TP63: variants seen among roughly 807,000 people sequenced by gnomAD.
The protein encoded by TP63 is tumor protein p63.
A neutral mutation model predicts 82.8 loss-of-function variants in TP63; 17 were observed. That is an observed-to-expected ratio of 0.21 (90% confidence interval 0.14 to 0.31). The LOEUF is 0.31. Ranked by LOEUF, TP63 falls within the 10% of genes least tolerant of loss-of-function variation. The pLI, the probability that TP63 is intolerant of heterozygous loss-of-function variation, is 1.00. For missense variants in TP63, 648 were observed against 895.3 expected (o/e 0.72, Z 3.52); for synonymous variants, 330 against 321.7 (o/e 1.03, Z -0.28).
chr3:189,689,215 A>AAGCG (rs1281989829), intron 1 of TP63, among the ~76,000 whole-genome samples: 1 of 141,884 alleles, frequency 7.0e-6, no homozygotes. Flanking sequence ...TCCCAGGTTC[A>AAGCG]AGCGATTCTC....
chr3:189,780,393 ATACTT>A (rs2108574822), intron 3 of TP63, among the ~76,000 whole-genome samples: 1 of 152,344 alleles, frequency 6.6e-6, no homozygotes, highest in East Asian at 1.9e-4. Flanking sequence ...GAAATGTAGA[ATACTT>A]TAAAGCTAGA....
At chr3:189,824,948 G>A (rs924774899) in intron 4 of TP63, among the ~76,000 whole-genome samples, 5 of 152,106 alleles carry the variant, frequency 3.3e-5, no homozygotes, top group African/African-American at 1.2e-4. Flanking sequence ...CAGATGTTTG[G>A]TTCCTCTCCT....
intron 1 of TP63, among the ~76,000 whole-genome samples, chr3:189,727,763 C>A (rs1719872969): frequency 1.3e-5 from 2 of 152,100 alleles, no homozygotes; most frequent in Non-Finnish European, 2.9e-5. Context: ...GTATTCCAAA[C>A]CTGATGTCAT....
chr3:189,758,234 A>G (rs918703657), intron 3 of TP63, among the ~76,000 whole-genome samples: 3 of 152,200 alleles, frequency 2.0e-5, no homozygotes, highest in Admixed American at 6.5e-5. Context: ...ATGAGGATCT[A>G]ATGCCCCCGC....
At chr3:189,764,625 A>C (rs1215688642) in intron 3 of TP63, among the ~76,000 whole-genome samples, 1 of 152,162 alleles carries the variant, frequency 6.6e-6, no homozygotes, top group South Asian at 2.1e-4. Context: ...TTTGTCTACT[A>C]AAGTTATCCA....
chr3:189,753,943 T>G (rs1391965983), intron 3 of TP63, among the ~76,000 whole-genome samples: 3 of 152,146 alleles, frequency 2.0e-5, no homozygotes, highest in Non-Finnish European at 2.9e-5. Context: ...TAATATTGGC[T>G]TTATAACCCT....
chr3:189,787,792 A>G (rs987778141), intron 3 of TP63, among the ~76,000 whole-genome samples: 1 of 152,052 alleles, frequency 6.6e-6, no homozygotes, highest in South Asian at 2.1e-4. Flanking sequence ...CCTCTAGATC[A>G]TTGATTCCCA....
intron 1 of TP63, among the ~76,000 whole-genome samples, chr3:189,716,435 C>G (rs1718965807): frequency 6.6e-6 from 1 of 151,782 alleles, no homozygotes; most frequent in Non-Finnish European, 1.5e-5. Flanking sequence ...TTTTAAAAAG[C>G]CCTGGAAATG....
rs189526183 is a variant in TP63, at chr3:189,813,191, C to A, written c.579+4665C>A. On this transcript the variant is annotated intron_variant, in intron 4 of 13. Transcript: ENST00000264731. The stretch of plus-strand genomic sequence containing the variant: ...CTTTGTGTTAAGGAATAACAGTGGG[C>A]CTTACTTATGGCAGACTCAAGATAT... Among the ~76,000 whole-genome samples, 4 of 152,232 alleles carry A rather than the reference C, an allele frequency of 2.6e-5. No individual in the cohort carries two copies. In the East Asian group the frequency reaches 7.7e-4, roughly 29 times the overall value.
chr3:189,691,790 G>A (rs1276460883), intron 1 of TP63, among the ~76,000 whole-genome samples: 1 of 151,996 alleles, frequency 6.6e-6, no homozygotes, highest in Non-Finnish European at 1.5e-5. Context: ...TTTTTCTGTT[G>A]TTGTCCTTTG....
chr3:189,878,919 C>T (rs550540327), intron 10 of TP63, among the ~76,000 whole-genome samples: 11 of 142,108 alleles, frequency 7.7e-5, no homozygotes, highest in East Asian at 6.2e-4. Context: ...TGAGCCACCG[C>T]GCCCAGCCTA....
chr3:189,713,624 G>A (rs1344584706), intron 1 of TP63, among the ~76,000 whole-genome samples: 1 of 151,882 alleles, frequency 6.6e-6, no homozygotes, highest in East Asian at 1.9e-4. Flanking sequence ...AATAACAAAA[G>A]TAATTCAAAA....
At chr3:189,846,527 T>C (rs1236440603) in intron 4 of TP63, among the ~76,000 whole-genome samples, 2 of 152,090 alleles carry the variant, frequency 1.3e-5, no homozygotes, top group Admixed American at 6.6e-5. Context: ...AACTATTGAA[T>C]ATATGTACAG....
chr3:189,731,720 T>C (rs187605265), intron 1 of TP63, among the ~76,000 whole-genome samples: 1 of 152,180 alleles, frequency 6.6e-6, no homozygotes, highest in Admixed American at 6.5e-5. Context: ...AGACAGTTAA[T>C]CCAAGAAAAA....
Position 189,743,503 on chromosome 3 carries a change from A to AAC in TP63, c.324+4747_324+4748dup, listed in dbSNP as rs10524434. Among the ~76,000 whole-genome samples, 1,087 of 150,812 alleles carry AAC rather than the reference A, an allele frequency of 7.2e-3. 13 individuals are homozygous for AAC. The highest frequency in any genetic ancestry group is 0.025 in the African/African-American group (1,012 of 41,142). On this transcript the variant is annotated intron_variant, in intron 3 of 13. Coordinates refer to ENST00000264731, the MANE Select transcript of TP63 (RefSeq NM_003722.5). The stretch of plus-strand genomic sequence containing the variant: ...ATATAAATAAGTACCTACAAACACA[A>AAC]ACACACACACACACACACAAACATA...
At chr3:189,669,798 T>C (rs1455310257) in intron 1 of TP63, among the ~76,000 whole-genome samples, 1 of 151,576 alleles carries the variant, frequency 6.6e-6, no homozygotes, top group African/African-American at 2.4e-5. Flanking sequence ...AGCAAGCCAA[T>C]AGAGAAATAA....
At chr3:189,783,835 A>T (rs1343744734) in intron 3 of TP63, among the ~76,000 whole-genome samples, 1 of 151,950 alleles carries the variant, frequency 6.6e-6, no homozygotes, top group Non-Finnish European at 1.5e-5. Flanking sequence ...AGTTAGCCTC[A>T]TTCAAATGTA....
intron 3 of TP63, among the ~76,000 whole-genome samples, chr3:189,788,399 G>A (rs62279940): frequency 0.18 from 26,683 of 151,936 alleles, 3,141 homozygotes; most frequent in Middle Eastern, 0.3. Context: ...AGGCAAATCC[G>A]AAGTCGTGAA....
intron 1 of TP63, among the ~76,000 whole-genome samples, chr3:189,705,183 G>T (rs544633536): frequency 6.6e-6 from 1 of 152,306 alleles, no homozygotes; most frequent in South Asian, 2.1e-4. Context: ...AGACTCAAGA[G>T]CTTAGATGTT....
Sources: allele counts gnomAD v4.1 joint callset (sites outside exome capture counted in the v4.1 genomes callset), GRCh38; gene constraint gnomAD v4.1.1; transcripts MANE v1.5; gene names NCBI Gene and HGNC (gene_info 2026-07-23, HGNC 2026-07-21).